UBE2E2: variants seen among roughly 807,000 people sequenced by gnomAD.
The protein encoded by UBE2E2 is ubiquitin-conjugating enzyme E2 E2.
In UBE2E2, 6 loss-of-function variants were observed where a neutral mutation model predicts 24.7. The ratio of observed to expected loss-of-function variants is 0.24; its 90% CI spans 0.13 to 0.48. The LOEUF (loss-of-function observed/expected upper bound fraction) is 0.48. UBE2E2 is among the 20% of genes least tolerant of loss of function. The pLI is 0.99. For synonymous variants in UBE2E2, 104 were observed against 83.6 expected, an observed-to-expected ratio of 1.24 and a Z score of -1.33; for missense variants, 169 against 245.0, an observed-to-expected ratio of 0.69 and a Z score of 2.07.
At chr3:23,472,465 A>G (rs1269327201) in intron 3 of UBE2E2, among the ~76,000 whole-genome samples, 1 of 152,176 alleles carries the variant, frequency 6.6e-6, no homozygotes, top group East Asian at 1.9e-4. Flanking sequence ...TCCAAGCACC[A>G]TCCTCCATAC....
intron 3 of UBE2E2, among the ~76,000 whole-genome samples, chr3:23,229,255 A>T (rs924801016): frequency 6.6e-6 from 1 of 152,142 alleles, no homozygotes; most frequent in Non-Finnish European, 1.5e-5. Flanking sequence ...AATCTTTACA[A>T]CTGTCTTTGA....
At position 23,248,548 on chromosome 3, in the gene UBE2E2, G is replaced by A. The variant is rs917743669; in HGVS notation, c.227+31236G>A. Reference sequence around the variant, plus strand: ...ACCGCCTTTAGAATTTTTAGTGGAAGCGTTAGATCACATGCATTTCACTTT... The same window carrying A: ...ACCGCCTTTAGAATTTTTAGTGGAAACGTTAGATCACATGCATTTCACTTT... On this transcript the variant is annotated intron_variant, in intron 3 of 5. Coordinates refer to ENST00000396703, the MANE Select transcript of UBE2E2 (RefSeq NM_152653.4). Among the ~76,000 whole-genome samples, 21 of 152,206 alleles carry A rather than the reference G, an allele frequency of 1.4e-4. 2 individuals are homozygous for A. The highest frequency in any genetic ancestry group is 4.4e-5 in the Non-Finnish European group (3 of 68,032).
At chr3:23,346,049 C>T (rs1024975242) in intron 3 of UBE2E2, among the ~76,000 whole-genome samples, 1 of 152,172 alleles carries the variant, frequency 6.6e-6, no homozygotes, top group African/African-American at 2.4e-5. Context: ...TGTTGTTCTA[C>T]TGGAATGCAT....
At chr3:23,263,789 T>G (rs963366089) in intron 3 of UBE2E2, among the ~76,000 whole-genome samples, 3 of 152,170 alleles carry the variant, frequency 2.0e-5, no homozygotes, top group Admixed American at 1.3e-4. Context: ...TAGAGCTTGG[T>G]TCATAGATGG....
At chr3:23,267,016 G>C (rs1698067717) in intron 3 of UBE2E2, among the ~76,000 whole-genome samples, 1 of 151,728 alleles carries the variant, frequency 6.6e-6, no homozygotes, top group Non-Finnish European at 1.5e-5. Context: ...TGAGAACAAA[G>C]ACACAACATA....
chr3:23,544,567 T>C (rs1249965322), intron 5 of UBE2E2, among the ~76,000 whole-genome samples: 1 of 152,200 alleles, frequency 6.6e-6, no homozygotes, highest in Non-Finnish European at 1.5e-5. Context: ...GGTGTGGATG[T>C]GGTGTGAAGG....
At chr3:23,469,337 A>G (rs1427073768) in intron 3 of UBE2E2, among the ~76,000 whole-genome samples, 1 of 152,234 alleles carries the variant, frequency 6.6e-6, no homozygotes, top group Non-Finnish European at 1.5e-5. Context: ...AAGATAATAG[A>G]TAAAGAATGG....
Position 23,589,976 on chromosome 3 carries a change from C to T in UBE2E2, c.*145C>T. On this transcript the variant is annotated 3_prime_UTR_variant, in exon 6 of 6. Transcript: ENST00000396703. This position sits in a 1 kb window ranked among gnomAD's most constrained non-coding sequence, Gnocchi z 4.1. ...CATTTTGTGATGGTATGTTGTCCATCTTCCCATCCCAGTTCTTCCTGCCCC... is the reference window on the plus strand; with the variant it reads ...CATTTTGTGATGGTATGTTGTCCATTTTCCCATCCCAGTTCTTCCTGCCCC... 1 of 655,740 alleles carries T rather than the reference C, an allele frequency of 1.5e-6. No homozygotes were observed. The highest frequency in any genetic ancestry group is 2.6e-6 in the Non-Finnish European group (1 of 390,440). 40.6% of individuals were successfully genotyped at this position (655,740 alleles called of 1,614,324 possible).
chr3:23,362,817 T>C (rs1467707981), intron 3 of UBE2E2, among the ~76,000 whole-genome samples: 1 of 152,154 alleles, frequency 6.6e-6, no homozygotes, highest in Non-Finnish European at 1.5e-5. Context: ...CTAGAACTTC[T>C]GGCAAACAGT....
chr3:23,238,742 A>G (rs1197693641), intron 3 of UBE2E2, among the ~76,000 whole-genome samples: 1 of 152,190 alleles, frequency 6.6e-6, no homozygotes, highest in Non-Finnish European at 1.5e-5. Flanking sequence ...CACACCTTAT[A>G]CACATAGCCT....
chr3:23,308,223 G>C (rs553676547), intron 3 of UBE2E2, among the ~76,000 whole-genome samples: 2 of 152,302 alleles, frequency 1.3e-5, no homozygotes, highest in East Asian at 1.9e-4. Context: ...GATTAAGTGA[G>C]ATGAAATATG....
At chr3:23,585,335 C>T (rs1178491652) in intron 5 of UBE2E2, among the ~76,000 whole-genome samples, 4 of 145,202 alleles carry the variant, frequency 2.8e-5, no homozygotes, top group Non-Finnish European at 4.5e-5. Context: ...CCCACCACTG[C>T]ACTCCAGCCA....
At chr3:23,238,339 A>T (rs960379867) in intron 3 of UBE2E2, among the ~76,000 whole-genome samples, 1 of 152,080 alleles carries the variant, frequency 6.6e-6, no homozygotes, top group African/African-American at 2.4e-5. Context: ...TACCAGATTT[A>T]CTCCACCTGC....
intron 3 of UBE2E2, among the ~76,000 whole-genome samples, chr3:23,434,720 G>C (rs571718551): frequency 6.6e-6 from 1 of 152,296 alleles, no homozygotes; most frequent in South Asian, 2.1e-4. Flanking sequence ...TGGATTGGGG[G>C]TGTGTTTAAT....
intron 3 of UBE2E2, among the ~76,000 whole-genome samples, chr3:23,315,427 G>A (rs953831113): frequency 6.6e-6 from 1 of 151,166 alleles, no homozygotes; most frequent in Admixed American, 6.6e-5. Context: ...TCTTCAGTAT[G>A]TCAGTTGCAT....
At chr3:23,409,560 G>C (rs1048595522) in intron 3 of UBE2E2, among the ~76,000 whole-genome samples, 1 of 152,156 alleles carries the variant, frequency 6.6e-6, no homozygotes, top group South Asian at 2.1e-4. Flanking sequence ...GAAAATGGAT[G>C]TTGTAATTAC....
intron 3 of UBE2E2, among the ~76,000 whole-genome samples, chr3:23,250,553 C>T (rs554428106): frequency 2.6e-5 from 4 of 152,224 alleles, no homozygotes; most frequent in African/African-American, 9.6e-5. Context: ...TTGTTAGATG[C>T]ATTTGTATGA....
intron 3 of UBE2E2, among the ~76,000 whole-genome samples, chr3:23,494,611 T>C (rs1699566802): frequency 6.6e-6 from 1 of 152,206 alleles, no homozygotes; most frequent in Admixed American, 6.5e-5. Context: ...GGCTGTGTAG[T>C]TCAAGAACCA....
At chr3:23,487,049 G>A (rs1218436580) in intron 3 of UBE2E2, among the ~76,000 whole-genome samples, 1 of 152,224 alleles carries the variant, frequency 6.6e-6, no homozygotes, top group East Asian at 1.9e-4. Context: ...GGTGCCTGCA[G>A]GCCCATGCTG....
Sources: allele counts gnomAD v4.1 joint callset (sites outside exome capture counted in the v4.1 genomes callset), GRCh38; gene constraint gnomAD v4.1.1; non-coding constraint Gnocchi (gnomAD v3.1); transcripts MANE v1.5; gene names NCBI Gene and HGNC (gene_info 2026-07-23, HGNC 2026-07-21).